The following PLEKHG1 variants were observed in gnomAD, a reference collection of about 807,000 sequenced individuals.
PLEKHG1 encodes the protein pleckstrin homology domain-containing family G member 1.
In PLEKHG1, 44 loss-of-function variants were observed where a neutral mutation model predicts 100.8. The ratio of observed to expected loss-of-function variants is 0.44; its 90% CI spans 0.34 to 0.56. The LOEUF (loss-of-function observed/expected upper bound fraction) is 0.56. Ranked by LOEUF, PLEKHG1 falls within the 20% of genes least tolerant of loss-of-function variation. The pLI, the probability that PLEKHG1 is intolerant of heterozygous loss-of-function variation, is 0.01. For missense variants in PLEKHG1, 1,545 were observed against 1,720.9 expected (o/e 0.90, Z 1.81); for synonymous variants, 640 against 662.5 (o/e 0.97, Z 0.52).
At chr6:150,695,713 A>T (rs1198460771) in intron 3 of PLEKHG1, among the ~76,000 whole-genome samples, 1 of 152,208 alleles carries the variant, frequency 6.6e-6, no homozygotes, top group Non-Finnish European at 1.5e-5. Context: ...AAGTCAAAAG[A>T]AAAACAAACA....
chr6:150,701,775 A>G (rs1489422099), intron 3 of PLEKHG1, among the ~76,000 whole-genome samples: 1 of 152,012 alleles, frequency 6.6e-6, no homozygotes, highest in African/African-American at 2.4e-5. Flanking sequence ...GAATAAAATT[A>G]GTTTCAACTT....
intron 4 of PLEKHG1, among the ~76,000 whole-genome samples, chr6:150,790,680 T>G (rs895683431): frequency 6.6e-6 from 1 of 152,154 alleles, no homozygotes; most frequent in African/African-American, 2.4e-5. Context: ...GCTGTTTGAA[T>G]CAACTGTAGT....
At chr6:150,637,033 C>T (rs1035069484) in intron 1 of PLEKHG1, among the ~76,000 whole-genome samples, 13 of 152,210 alleles carry the variant, frequency 8.5e-5, no homozygotes, top group African/African-American at 3.1e-4. Flanking sequence ...TATGCGGGAA[C>T]CCCCTTGGTC....
chr6:150,753,641 G>A (rs1783656535), intron 2 of PLEKHG1, among the ~76,000 whole-genome samples: 1 of 152,226 alleles, frequency 6.6e-6, no homozygotes, highest in South Asian at 2.1e-4. Context: ...AAATGCAAAT[G>A]CACAGAGAGA....
intron 3 of PLEKHG1, among the ~76,000 whole-genome samples, chr6:150,676,878 G>A (rs1173724144): frequency 1.3e-5 from 2 of 152,120 alleles, no homozygotes; most frequent in African/African-American, 2.4e-5. Context: ...CCAGCCCCAA[G>A]GTGCCTTAAC....
chr6:150,799,079 C>T (rs1690978548), intron 5 of PLEKHG1, among the ~76,000 whole-genome samples: 2 of 152,036 alleles, frequency 1.3e-5, no homozygotes, highest in African/African-American at 4.8e-5. Context: ...TTGAGTCTGA[C>T]TTTGAAGAAA....
rs536698395 is a variant in PLEKHG1, at chr6:150,682,861, G to C, written c.-99+32075G>C. Among the ~76,000 whole-genome samples the C allele has an allele frequency of 2.0e-5, 3 of 152,254 alleles. No homozygotes were observed. The South Asian group carries it at 6.2e-4, about 32-fold the overall frequency. ...CCAAGAGAGGCATATGCGGGTTAAA[G>C]AGAGACCAGGAGCTCCTGGAGCACC... On this transcript the variant is annotated intron_variant, in intron 3 of 3. Coordinates refer to the PLEKHG1 transcript ENST00000367326.
chr6:150,656,907 G>A (rs1479815866), intron 3 of PLEKHG1, among the ~76,000 whole-genome samples: 1 of 152,170 alleles, frequency 6.6e-6, no homozygotes, highest in African/African-American at 2.4e-5. Context: ...TGGGTAACTT[G>A]TAATGGCACC....
intron 4 of PLEKHG1, among the ~76,000 whole-genome samples, chr6:150,788,035 G>A (rs963247997): frequency 2.6e-5 from 4 of 152,222 alleles, no homozygotes; most frequent in African/African-American, 9.6e-5. Context: ...TTTCGGAAAC[G>A]TTTGGGCTTT....
At chr6:150,695,068 A>G (rs1456233354) in intron 3 of PLEKHG1, among the ~76,000 whole-genome samples, 1 of 152,220 alleles carries the variant, frequency 6.6e-6, no homozygotes, top group Non-Finnish European at 1.5e-5. Flanking sequence ...TCTTGATATC[A>G]TAGTTCCTGT....
At chr6:150,794,903 T>C (rs1220065006) in intron 4 of PLEKHG1, among the ~76,000 whole-genome samples, 2 of 152,088 alleles carry the variant, frequency 1.3e-5, no homozygotes, top group Non-Finnish European at 2.9e-5. Flanking sequence ...CTAATTCCAG[T>C]TGAGGTTAAC....
chr6:150,785,287 C>A (rs1785555268), intron 3 of PLEKHG1, among the ~76,000 whole-genome samples: 1 of 152,030 alleles, frequency 6.6e-6, no homozygotes, highest in East Asian at 1.9e-4. Flanking sequence ...TCCTGTAGAA[C>A]TACTTCACTT....
chr6:150,832,681 CTTT>C (rs66957918), intron 15 of PLEKHG1, among the ~76,000 whole-genome samples: 37 of 125,444 alleles, frequency 2.9e-4, no homozygotes, highest in African/African-American at 9.9e-4. Flanking sequence ...TTTTTGCATA[CTTT>C]TTTTTTTTTT....
chr6:150,840,873 C>G (rs1459032016), exon 16 of PLEKHG1: 1 of 1,611,364 alleles, frequency 6.2e-7, no homozygotes, highest in African/African-American at 1.3e-5. Context: ...ATTTCAGTGT[C>G]TCAGTTCAAG....
At chr6:150,670,909 ATT>A (rs1779560582) in intron 3 of PLEKHG1, among the ~76,000 whole-genome samples, 1 of 135,688 alleles carries the variant, frequency 7.4e-6, no homozygotes, top group Non-Finnish European at 1.5e-5. Context: ...TCCAAAGTCC[ATT>A]GTATCATTCT....
intron 3 of PLEKHG1, among the ~76,000 whole-genome samples, chr6:150,780,077 A>T (rs971981285): frequency 4.6e-5 from 7 of 151,954 alleles, no homozygotes; most frequent in Non-Finnish European, 8.8e-5. Flanking sequence ...CCCATCCTCT[A>T]CTAATGGAAA....
intron 2 of PLEKHG1, among the ~76,000 whole-genome samples, chr6:150,735,312 G>A (rs772975980): frequency 1.3e-5 from 2 of 152,116 alleles, no homozygotes; most frequent in African/African-American, 2.4e-5. Flanking sequence ...ATATTATAAA[G>A]CTACACTTGC....
chr6:150,817,038 G>C (rs1040233693), intron 10 of PLEKHG1, among the ~76,000 whole-genome samples: 3 of 152,198 alleles, frequency 2.0e-5, no homozygotes, highest in Admixed American at 6.5e-5. Flanking sequence ...AGCTTCTCTC[G>C]CTTGCCCACC....
intron 3 of PLEKHG1, among the ~76,000 whole-genome samples, chr6:150,706,998 C>CTTTTTTTTTTT (rs71014517): frequency 1.2e-4 from 6 of 51,924 alleles, no homozygotes; most frequent in African/African-American, 2.3e-4. Context: ...TTTTCTTTTT[C>CTTTTTTTTTTT]TTTTTTTTTT....
Sources: allele counts gnomAD v4.1 joint callset (sites outside exome capture counted in the v4.1 genomes callset), GRCh38; gene constraint gnomAD v4.1.1; transcripts MANE v1.5; gene names NCBI Gene and HGNC (gene_info 2026-07-23, HGNC 2026-07-21).